FUT8: variants seen among roughly 807,000 people sequenced by gnomAD.
The protein encoded by FUT8 is fucosyltransferase 8.
In FUT8, 29 loss-of-function variants were observed where a neutral mutation model predicts 71.3. The ratio of observed to expected loss-of-function variants is 0.41; its 90% CI spans 0.30 to 0.55. The LOEUF is 0.55. Ranked by LOEUF, FUT8 falls within the 20% of genes least tolerant of loss-of-function variation. FUT8 has a pLI of 0.34. For missense variants in FUT8, 544 were observed against 702.1 expected (o/e 0.77, Z 2.55); for synonymous variants, 254 against 239.3 (o/e 1.06, Z -0.57).
At chr14:65,697,993 A>G (rs976948490) in intron 7 of FUT8, among the ~76,000 whole-genome samples, 2 of 148,868 alleles carry the variant, frequency 1.3e-5, no homozygotes, top group East Asian at 3.9e-4. Flanking sequence ...CTCCATCTCA[A>G]AAAAAAAAAA....
chr14:65,474,359 T>G (rs1442628005), intron 2 of FUT8, among the ~76,000 whole-genome samples: 2 of 147,516 alleles, frequency 1.4e-5, no homozygotes, highest in Non-Finnish European at 3.0e-5. Context: ...TCCCAGCACT[T>G]TGGGAGGCTG....
chr14:65,740,845 C>T (rs376021029), intron 10 of FUT8, among the ~76,000 whole-genome samples: 6 of 152,076 alleles, frequency 3.9e-5, no homozygotes. Context: ...GAGATTTGGG[C>T]AGGTAACACA....
chr14:65,557,142 A>G (rs1270748732), intron 2 of FUT8, among the ~76,000 whole-genome samples: 1 of 152,158 alleles, frequency 6.6e-6, no homozygotes. Context: ...CTGATATTAC[A>G]CTCGAGCTTC....
At chr14:65,551,209 A>C (rs2140003835) in intron 2 of FUT8, among the ~76,000 whole-genome samples, 1 of 152,304 alleles carries the variant, frequency 6.6e-6, no homozygotes. Context: ...CATCAAAGTC[A>C]AGCTGCTTGA....
At chr14:65,447,059 A>G (rs113151340) in intron 1 of FUT8, among the ~76,000 whole-genome samples, 3 of 151,696 alleles carry the variant, frequency 2.0e-5, no homozygotes, top group Non-Finnish European at 4.4e-5. Flanking sequence ...TCTCTATGCT[A>G]TCCTATAAAT....
At chr14:65,389,101 C>T in the FUT8 span, among the ~76,000 whole-genome samples, 22 of 151,130 alleles carry the variant, frequency 1.5e-4, no homozygotes, top group African/African-American at 5.3e-4. Context: ...TTAAGTGATC[C>T]TCCTGCCTTG....
chr14:65,375,438 G>A, the FUT8 span, among the ~76,000 whole-genome samples: 1 of 152,058 alleles, frequency 6.6e-6, no homozygotes, highest in Non-Finnish European at 1.5e-5. Context: ...GGGTAACACA[G>A]CAAGACCCCA....
intron 7 of FUT8, among the ~76,000 whole-genome samples, chr14:65,709,488 T>C (rs979937910): frequency 3.3e-5 from 5 of 152,226 alleles, no homozygotes; most frequent in African/African-American, 1.2e-4. Context: ...CTCAGTTTGG[T>C]ATTAAGATAT....
At chr14:65,527,902 C>T (rs1003092098) in intron 2 of FUT8, among the ~76,000 whole-genome samples, 10 of 152,196 alleles carry the variant, frequency 6.6e-5, no homozygotes, top group Admixed American at 3.9e-4. Flanking sequence ...CTGATTGTTC[C>T]TCTGGAAGCT....
chr14:65,615,885 G>A (rs190136849), intron 3 of FUT8, 93 bp from the exon 4 acceptor site: 89 of 827,736 alleles, frequency 1.1e-4, no homozygotes, highest in Non-Finnish European at 1.2e-4. Context: ...AACAACTTAT[G>A]GAGTTTACAG....
the FUT8 span, among the ~76,000 whole-genome samples, chr14:65,387,065 C>T: frequency 7.1e-3 from 1,077 of 152,208 alleles, 10 homozygotes; most frequent in African/African-American, 0.025. Context: ...TGGTCTTGAA[C>T]TTCTGACCTA....
At chr14:65,729,461 T>A (rs551851964) in intron 9 of FUT8, among the ~76,000 whole-genome samples, 1 of 152,278 alleles carries the variant, frequency 6.6e-6, no homozygotes, top group South Asian at 2.1e-4. Context: ...ATGCCTAAAA[T>A]TATCCACATT....
intron 2 of FUT8, among the ~76,000 whole-genome samples, chr14:65,511,798 G>C (rs1478027491): frequency 1.3e-5 from 2 of 152,158 alleles, no homozygotes; most frequent in African/African-American, 4.8e-5. Context: ...TAGGTGAAGT[G>C]TGTTTCTTGT....
chr14:65,739,196 G>T (rs1896372704), intron 10 of FUT8, among the ~76,000 whole-genome samples: 1 of 151,916 alleles, frequency 6.6e-6, no homozygotes, highest in African/African-American at 2.4e-5. Flanking sequence ...CACTGCCTGG[G>T]ACATAATCGG....
intron 2 of FUT8, among the ~76,000 whole-genome samples, chr14:65,487,564 CAAAAA>C (rs745645710): frequency 1.6e-5 from 1 of 64,454 alleles, no homozygotes. Flanking sequence ...GACTCCGTCT[CAAAAA>C]AAAAAAAAAA....
At chr14:65,389,184 A>T in the FUT8 span, among the ~76,000 whole-genome samples, 5,317 of 115,522 alleles carry the variant, frequency 0.046, 170 homozygotes, top group African/African-American at 0.13. Flanking sequence ...TATATATATA[A>T]AAAAATTATT....
intron 7 of FUT8, among the ~76,000 whole-genome samples, chr14:65,682,242 C>T (rs1893071557): frequency 6.6e-6 from 1 of 152,202 alleles, no homozygotes; most frequent in South Asian, 2.1e-4. Flanking sequence ...GTGGCTCACG[C>T]TTATAATCCC....
intron 7 of FUT8, among the ~76,000 whole-genome samples, chr14:65,715,687 T>A (rs906025850): frequency 8.5e-5 from 13 of 152,244 alleles, no homozygotes; most frequent in East Asian, 3.8e-4. Context: ...GAAATTTTTT[T>A]AATTTCCTTC....
chr14:65,618,613 G>A lies in FUT8; in HGVS notation c.482+2240G>A, dbSNP rs567455052. Among the ~76,000 whole-genome samples, 16 of 152,206 alleles carry A rather than the reference G, an allele frequency of 1.1e-4. No homozygotes were observed. The East Asian group carries it at 2.9e-3, about 28-fold the overall frequency. ...AGAAATAACCCTTAAACTGACGGAC[G>A]TACAAATAGAAAGGACTTTTATTAT... On this transcript the variant is annotated intron_variant, in intron 5 of 10. Transcript: ENST00000673929.
Sources: gnomAD v4.1 joint callset for allele counts (sites outside exome capture counted in the v4.1 genomes callset) on GRCh38, gnomAD v4.1.1 for gene constraint, MANE v1.5 for transcripts, NCBI Gene and HGNC (gene_info 2026-07-23, HGNC 2026-07-21) for gene names.